Variants in AP3D1 observed in about 807,000 individuals in gnomAD.
AP3D1 encodes the protein adaptor related protein complex 3 subunit delta 1, also known as AP-3 complex subunit delta-1.
AP3D1 carries 51 observed loss-of-function variants against 147.6 expected under a neutral mutation model. That is an observed-to-expected ratio of 0.35 (90% CI 0.28 to 0.44). The LOEUF (loss-of-function observed/expected upper bound fraction) is 0.44, where lower values mean the gene tolerates loss of function less well. Among genes scored for constraint, AP3D1 ranks in the 20% least tolerant of loss-of-function variants. The pLI, the probability that AP3D1 is intolerant of heterozygous loss-of-function variation, is 1.00. For synonymous variants in AP3D1, 760 were observed against 663.0 expected (o/e 1.15, Z -2.25); for missense variants, 1,421 against 1,624.2 (o/e 0.87, Z 2.15).
At chr19:2,147,454 CT>C (rs1292130577) in intron 1 of AP3D1, among the ~76,000 whole-genome samples, 2 of 135,806 alleles carry the variant, frequency 1.5e-5, no homozygotes, top group Admixed American at 7.8e-5. Context: ...GCTGGGGAGG[CT>C]GAGGCAGGGA....
chr19:2,137,214 C>G, intron 3 of AP3D1, 123 bp from the exon 4 acceptor site: 1 of 801,836 alleles, frequency 1.2e-6, no homozygotes. Context: ...GCAGCCTGGA[C>G]GCTGGGGCCA....
intron 10 of AP3D1, 55 bp from the exon 11 acceptor site, chr19:2,123,461 C>A: frequency 1.9e-6 from 3 of 1,575,458 alleles, no homozygotes; most frequent in Non-Finnish European, 2.6e-6. Flanking sequence ...AGGGTGAGTC[C>A]CACAGGTACC....
At chr19:2,122,227 C>A (rs1439829657) in intron 11 of AP3D1, among the ~76,000 whole-genome samples, 1 of 149,180 alleles carries the variant, frequency 6.7e-6, no homozygotes, top group Non-Finnish European at 1.5e-5. Flanking sequence ...CAGCAGATAC[C>A]CTTGGCCCAA....
intron 1 of AP3D1, among the ~76,000 whole-genome samples, chr19:2,149,468 G>A (rs1250497058): frequency 6.6e-6 from 1 of 151,824 alleles, no homozygotes; most frequent in African/African-American, 2.4e-5. Context: ...GCTTGAACCT[G>A]GGAGGTGAAG....
chr19:2,115,493 C>A (rs141239706), intron 19 of AP3D1, 45 bp downstream of exon 19: 3 of 1,610,732 alleles, frequency 1.9e-6, no homozygotes, highest in South Asian at 1.1e-5. Context: ...GAGCACCCCA[C>A]AGCCCATGTG....
chr19:2,163,953 G>C (rs1464200565), intron 1 of AP3D1, among the ~76,000 whole-genome samples: 5 of 149,700 alleles, frequency 3.3e-5, no homozygotes, highest in Non-Finnish European at 7.5e-5. Context: ...CTTCACGCCG[G>C]CCCAAGATGG....
In AP3D1 at chr19:2,116,929, A is replaced by G. The variant is rs2018472382; in HGVS notation, c.1860-183T>C. 3 of 914,168 alleles carry G rather than the reference A, an allele frequency of 3.3e-6. No homozygotes were observed. In the South Asian group the frequency reaches 5.9e-5, roughly 18 times the overall value. 56.6% of individuals were successfully genotyped at this position (914,168 alleles called of 1,614,324 possible). A position where few individuals can be genotyped will look rare whatever the true frequency, so the allele number is the denominator to read the frequency against. ...CTTAAGAGGACGCAGGGACCCAGGAAGACTGCGGCAGGGTCACAGTGGGGC... is the reference window on the plus strand; with the variant it reads ...CTTAAGAGGACGCAGGGACCCAGGAGGACTGCGGCAGGGTCACAGTGGGGC... On this transcript the variant is annotated intron_variant, in intron 16 of 31. Transcript: ENST00000643116.
At position 2,121,726 on chromosome 19, in the gene AP3D1, G is replaced by A. The variant is rs148834449; in HGVS notation, c.1101+8C>T. The A allele has an allele frequency of 5.7e-6, 9 of 1,587,032 alleles. No homozygotes were observed. In the East Asian group the frequency reaches 1.8e-4, roughly 32 times the overall value. ...CAGGCGGGCGGGCGGCGGACAGAGG[G>A]CACGCACCATCCCATAGAGCAGGTC... On this transcript the variant is annotated splice_region_variant and intron_variant, in intron 12 of 31. Transcript: ENST00000643116.
At chr19:2,108,110 T>G (rs1224785800) in intron 31 of AP3D1, among the ~76,000 whole-genome samples, 1 of 152,126 alleles carries the variant, frequency 6.6e-6, no homozygotes, top group Non-Finnish European at 1.5e-5. Flanking sequence ...TATCACACAG[T>G]CTGCCCCAAA....
At chr19:2,156,199 TTC>T (rs932886011), upstream of AP3D1, among the ~76,000 whole-genome samples, 7 of 152,142 alleles carry the variant, frequency 4.6e-5, no homozygotes, top group African/African-American at 1.4e-4. Flanking sequence ...TAGGGGCAGC[TTC>T]TCTCTGGAAA....
intron 12 of AP3D1, 70 bp from the exon 13 acceptor site, chr19:2,121,381 ACCTG>A: frequency 6.4e-7 from 1 of 1,551,706 alleles, no homozygotes; most frequent in Non-Finnish European, 8.8e-7. Context: ...GACACCCAAC[ACCTG>A]CTCCTGAGAC....
intron 31 of AP3D1, among the ~76,000 whole-genome samples, chr19:2,108,118 A>G (rs1300483977): frequency 2.0e-5 from 3 of 152,188 alleles, no homozygotes; most frequent in Non-Finnish European, 4.4e-5. Flanking sequence ...AGTCTGCCCC[A>G]AAACAGAGAG....
intron 1 of AP3D1, among the ~76,000 whole-genome samples, chr19:2,146,991 A>C (rs1279430050): frequency 6.6e-6 from 1 of 151,766 alleles, no homozygotes; most frequent in Non-Finnish European, 1.5e-5. Context: ...CAACATCCAC[A>C]GTGGTGAGGG....
In AP3D1 at chr19:2,110,263, G is replaced by A. The variant is rs371192855; in HGVS notation, c.3176-39C>T. ...GAGGGAGTGGGGCCTGAGACGCTGC[G>A]GGGGCTCAGCATGGGTGGGGCCTCC... is the stretch of plus-strand genomic sequence containing the variant. On this transcript the variant is annotated intron_variant, in intron 27 of 31. Coordinates refer to ENST00000643116, the MANE Select transcript of AP3D1 (RefSeq NM_001261826.3). 272 of 1,565,040 alleles carry A rather than the reference G, an allele frequency of 1.7e-4. 1 individual carries two copies. The highest frequency in any genetic ancestry group is 2.2e-4 in the Non-Finnish European group (255 of 1,142,266).
chr19:2,127,790 G>C (rs759557323), intron 8 of AP3D1, among the ~76,000 whole-genome samples: 1 of 152,198 alleles, frequency 6.6e-6, no homozygotes, highest in Non-Finnish European at 1.5e-5. Context: ...GCCTCCCAAA[G>C]CGCTGGGATC....
At chr19:2,153,876 T>C (rs923474811), upstream of AP3D1, among the ~76,000 whole-genome samples, 8 of 151,792 alleles carry the variant, frequency 5.3e-5, no homozygotes, top group African/African-American at 1.7e-4. Flanking sequence ...AGTCTTGCTC[T>C]GTAGCCCAGG....
At chr19:2,154,189 C>A (rs1299872508), upstream of AP3D1, among the ~76,000 whole-genome samples, 1 of 151,958 alleles carries the variant, frequency 6.6e-6, no homozygotes, top group Admixed American at 6.6e-5. Flanking sequence ...CTCAGGTGAT[C>A]CGCCTTCCTT....
chr19:2,151,249 T>C lies in AP3D1; in HGVS notation c.86A>G (p.Lys29Arg), dbSNP rs1246245568. ...GCGCGCCGGGCTCACCTCGTCCTCC[T>C]TGTGGTTACGGATGCCGCGGACCAA... ...QDLVRGIRNH[K>R]EDEAKYISQC... The change falls in exon 1 of 32, where the codon AAG becomes AGG. Residue 29 changes from lysine to arginine, a missense_variant. Transcript: ENST00000643116. The C allele has an allele frequency of 1.9e-6, 3 of 1,611,106 alleles. No individual in the cohort carries two copies. Among genetic ancestry groups the C allele is most frequent in the African/African-American group, 1.3e-5 (1 of 74,546 alleles).
chr19:2,126,954 G>A (rs2145094071), intron 9 of AP3D1, among the ~76,000 whole-genome samples, 198 bp downstream of exon 9: 1 of 152,324 alleles, frequency 6.6e-6, no homozygotes, highest in South Asian at 2.1e-4. Flanking sequence ...TGGAAGACCA[G>A]GCAGACGCAT....
Sources: gnomAD v4.1 joint callset for allele counts (sites outside exome capture counted in the v4.1 genomes callset) on GRCh38, gnomAD v4.1.1 for gene constraint, MANE v1.5 for transcripts, NCBI Gene and HGNC (gene_info 2026-07-23, HGNC 2026-07-21) for gene names.